The following NFATC1 variants were observed in gnomAD, a reference collection of about 807,000 sequenced individuals.
NFATC1 encodes the protein nuclear factor of activated T cells 1.
Under a neutral mutation model 76.0 loss-of-function variants are expected in NFATC1, and 22 were observed. The ratio of observed to expected loss-of-function variants is 0.29; its 90% CI spans 0.21 to 0.41. The LOEUF (loss-of-function observed/expected upper bound fraction) is 0.41. NFATC1 is among the 10% of genes least tolerant of loss of function. The probability of loss-of-function intolerance (pLI) is 1.00; values close to 1 mark genes in which losing one functional copy is unlikely to be tolerated. For missense variants in NFATC1, 1,357 were observed against 1,337.7 expected (o/e 1.01, Z -0.23); for synonymous variants, 704 against 613.1 (o/e 1.15, Z -2.19).
intron 9 of NFATC1, among the ~76,000 whole-genome samples, chr18:79,490,983 A>G (rs890225232): frequency 4.6e-5 from 7 of 152,050 alleles, no homozygotes; most frequent in East Asian, 1.9e-4. Flanking sequence ...CTCCAGCTCC[A>G]TGGAAATGCG....
chr18:79,490,496 A>G (rs1022140332), intron 9 of NFATC1, among the ~76,000 whole-genome samples: 1 of 152,060 alleles, frequency 6.6e-6, no homozygotes, highest in African/African-American at 2.4e-5. Flanking sequence ...CAGGCCTGAC[A>G]TTGCCGCCAC....
At chr18:79,474,612 G>A (rs1301011622) in intron 8 of NFATC1, among the ~76,000 whole-genome samples, 15 of 146,056 alleles carry the variant, frequency 1.0e-4, no homozygotes, top group African/African-American at 2.3e-4. Flanking sequence ...GCTCACTGTT[G>A]ACGTAAACCT....
chr18:79,517,393 C>T (rs1300520610), intron 9 of NFATC1, among the ~76,000 whole-genome samples: 1 of 152,222 alleles, frequency 6.6e-6, no homozygotes, highest in Admixed American at 6.5e-5. Flanking sequence ...ATGCACTTTT[C>T]TGTCCCTCAG....
intron 9 of NFATC1, among the ~76,000 whole-genome samples, chr18:79,518,398 G>A (rs945990734): frequency 6.6e-6 from 1 of 152,230 alleles, no homozygotes; most frequent in Non-Finnish European, 1.5e-5. Context: ...GAGTGTGGCA[G>A]TGTAAAGGGC....
At chr18:79,462,650 A>AT (rs1481119031) in intron 7 of NFATC1, among the ~76,000 whole-genome samples, 5 of 152,166 alleles carry the variant, frequency 3.3e-5, no homozygotes, top group Admixed American at 2.0e-4. Context: ...CCTACGTTGG[A>AT]TTTTTTGAGT....
intron 8 of NFATC1, 108 bp from the exon 9 acceptor site, chr18:79,486,140 C>A: frequency 1.0e-6 from 1 of 958,002 alleles, no homozygotes; most frequent in Non-Finnish European, 1.6e-6. Flanking sequence ...GACAGAGGGA[C>A]CCAGTCAGGG....
Position 79,396,058 on chromosome 18 carries a change from C to G in NFATC1, c.-167C>G. The G allele has an allele frequency of 1.2e-6, 1 of 836,286 alleles. No homozygotes were observed. Among genetic ancestry groups the G allele is most frequent in the Non-Finnish European group, 1.5e-6 (1 of 657,260 alleles). 51.8% of individuals were successfully genotyped at this position (836,286 alleles called of 1,614,324 possible). On this transcript the variant is annotated 5_prime_UTR_variant, in exon 1 of 10. Transcript: ENST00000427363. ...ACCGCGCAGGTCCTAGGGCCGCGGC[C>G]GGGCCCCGCCACGCGCGCACACGCC...
chr18:79,396,813 C>G (rs1471163056), intron 1 of NFATC1, among the ~76,000 whole-genome samples: 1 of 151,944 alleles, frequency 6.6e-6, no homozygotes, highest in Non-Finnish European at 1.5e-5. Context: ...CACCCCCACC[C>G]CGAGCTCGTG....
intron 2 of NFATC1, among the ~76,000 whole-genome samples, chr18:79,414,015 G>C (rs1245208762): frequency 6.6e-6 from 1 of 152,206 alleles, no homozygotes; most frequent in Non-Finnish European, 1.5e-5. Context: ...GGGGTTTGCA[G>C]TTAACCTTTT....
chr18:79,496,944 G>A (rs1022745462), intron 9 of NFATC1: 1 of 152,228 alleles, frequency 6.6e-6, no homozygotes, highest in Non-Finnish European at 1.5e-5. Context: ...GGCAGAACCA[G>A]GAGCGCCCCA....
intron 9 of NFATC1, among the ~76,000 whole-genome samples, chr18:79,508,896 C>G (rs1454594978): frequency 6.6e-6 from 1 of 152,028 alleles, no homozygotes; most frequent in African/African-American, 2.4e-5. Flanking sequence ...CCGTCCCTCC[C>G]TCCCTCCCTT....
chr18:79,523,493 C>T (rs1378258731), intron 9 of NFATC1, among the ~76,000 whole-genome samples: 4 of 152,260 alleles, frequency 2.6e-5, no homozygotes, highest in Non-Finnish European at 5.9e-5. Flanking sequence ...AAAGGCGTCT[C>T]GCCTACGGCT....
In NFATC1 at chr18:79,522,420, TCTG is replaced by T. The variant is rs1413367236; in HGVS notation, c.2783-5104_2783-5102del. On this transcript the variant is annotated intron_variant, in intron 9 of 9. Transcript: ENST00000427363. ...CGGATTGTGTCTGGGTGGGGGGACG[TCTG>T]CTGGTGTGTGTGTTTTGTGTGTGTG... is the stretch of plus-strand genomic sequence containing the variant. 5.4e-4 allele frequency among the ~76,000 whole-genome samples: 51 copies of T among 94,824 alleles called. 1 individual carries two copies. The highest frequency in any genetic ancestry group is 2.1e-3 in the African/African-American group (49 of 22,940). 62.2% of individuals were successfully genotyped at this position (94,824 alleles called of 152,430 possible).
At chr18:79,396,611 G>C (rs2085013551) in intron 1 of NFATC1, among the ~76,000 whole-genome samples, 1 of 152,222 alleles carries the variant, frequency 6.6e-6, no homozygotes. Flanking sequence ...AGGCCGCCGC[G>C]GGTCCCGCCG....
intron 3 of NFATC1, chr18:79,448,256 CAGG>C (rs993345511): frequency 9.3e-5 from 15 of 160,938 alleles, no homozygotes; most frequent in African/African-American, 3.1e-4. Context: ...CCTGCCTCTG[CAGG>C]AGGAGAGGGG....
chr18:79,404,591 G>T (rs1269803079), intron 1 of NFATC1, among the ~76,000 whole-genome samples: 1 of 152,234 alleles, frequency 6.6e-6, no homozygotes, highest in Non-Finnish European at 1.5e-5. Context: ...GTCGACCTGT[G>T]GTTCAGCCCC....
chr18:79,473,955 A>G (rs1200706291), intron 8 of NFATC1, among the ~76,000 whole-genome samples: 2 of 145,258 alleles, frequency 1.4e-5, no homozygotes, highest in East Asian at 2.1e-4. Context: ...AACCTGAGGG[A>G]AGCGTGTTCT....
intron 1 of NFATC1, among the ~76,000 whole-genome samples, chr18:79,398,069 C>T (rs2085065178): frequency 6.6e-6 from 1 of 152,118 alleles, no homozygotes; most frequent in African/African-American, 2.4e-5. Context: ...TGAGTAGGCC[C>T]CACGAGGCCA....
At chr18:79,473,585 CGTT>C (rs1232450774) in intron 8 of NFATC1, among the ~76,000 whole-genome samples, 43 of 146,216 alleles carry the variant, frequency 2.9e-4, no homozygotes, top group Middle Eastern at 3.6e-3. Flanking sequence ...TCACTGTCGA[CGTT>C]GTAAACCTGA....
Sources: allele counts gnomAD v4.1 joint callset (sites outside exome capture counted in the v4.1 genomes callset), GRCh38; gene constraint gnomAD v4.1.1; transcripts MANE v1.5; gene names NCBI Gene and HGNC (gene_info 2026-07-23, HGNC 2026-07-21).